BCAS3: variants seen among roughly 807,000 people sequenced by gnomAD.
BCAS3 encodes BCAS4/BCAS3 fusion.
A neutral mutation model predicts 116.1 loss-of-function variants in BCAS3; 53 were observed. The ratio of observed to expected loss-of-function variants is 0.46; its 90% CI spans 0.37 to 0.57. The LOEUF (loss-of-function observed/expected upper bound fraction) is 0.57, where lower values mean the gene tolerates loss of function less well. Among genes scored for constraint, BCAS3 ranks in the 20% least tolerant of loss-of-function variants. BCAS3 has a pLI of 0.00. For synonymous variants in BCAS3, 391 were observed against 408.2 expected (o/e 0.96, Z 0.51); for missense variants, 917 against 1,165.4 (o/e 0.79, Z 3.10).
At position 61,226,898 on chromosome 17, in the gene BCAS3, A is replaced by T. The variant is rs1437848045; in HGVS notation, c.2426-141429A>T. Among the ~76,000 whole-genome samples the T allele has an allele frequency of 6.6e-6, 1 of 152,192 alleles. No homozygotes were observed. Among genetic ancestry groups the T allele is most frequent in the Non-Finnish European group, 1.5e-5 (1 of 68,032 alleles). On this transcript the variant is annotated intron_variant, in intron 22 of 23. Coordinates refer to ENST00000407086, the MANE Select transcript of BCAS3 (RefSeq NM_017679.5). The surrounding 1 kb of genome is among the most constrained non-coding windows in gnomAD (Gnocchi z 6.0). ...GTCAGTTTGCCTGCCTATATCCTATAATATCCCTTTCCTTTTTAATTTGTT... is the reference window on the plus strand; with the variant it reads ...GTCAGTTTGCCTGCCTATATCCTATTATATCCCTTTCCTTTTTAATTTGTT...
rs186455841 is a variant in BCAS3 at position 60,722,166 on chromosome 17, A to G, written c.321+12841A>G. ...TAATAAAGTTGCTCTGAAAATTCTT[A>G]TATATGGTAATTTTTCATGGATGTA... On this transcript the variant is annotated intron_variant, in intron 5 of 23. Coordinates refer to ENST00000407086, the MANE Select transcript of BCAS3 (RefSeq NM_017679.5). Among the ~76,000 whole-genome samples, 46 of 152,254 alleles carry G rather than the reference A, an allele frequency of 3.0e-4. 1 individual carries two copies. The South Asian group carries it at 4.1e-3, about 14-fold the overall frequency.
At position 61,098,758 on chromosome 17, in the gene BCAS3, G is replaced by A. The variant is rs1028275176; in HGVS notation, c.2425+14194G>A. On this transcript the variant is annotated intron_variant, in intron 22 of 23. Transcript: ENST00000407086. The surrounding 1 kb of genome is among the most constrained non-coding windows in gnomAD (Gnocchi z 4.2). ...CAGGATTTCTTTGCCAAATGAAAACGGTAAAAGTGGAAGCATGAAACACCT... is the reference window on the plus strand; with the variant it reads ...CAGGATTTCTTTGCCAAATGAAAACAGTAAAAGTGGAAGCATGAAACACCT... Among the ~76,000 whole-genome samples the A allele has an allele frequency of 1.3e-5, 2 of 152,074 alleles. No individual in the cohort carries two copies. Among genetic ancestry groups the A allele is most frequent in the African/African-American group, 4.8e-5 (2 of 41,410 alleles).
At chr17:60,894,751 G>T (rs1466409544) in intron 10 of BCAS3, among the ~76,000 whole-genome samples, 1 of 152,130 alleles carries the variant, frequency 6.6e-6, no homozygotes, top group Non-Finnish European at 1.5e-5. Context: ...TCTATGCCTA[G>T]TTTGTTAAGA....
intron 12 of BCAS3, among the ~76,000 whole-genome samples, chr17:60,917,049 G>A (rs572153157): frequency 1.1e-4 from 16 of 152,098 alleles, no homozygotes; most frequent in African/African-American, 2.2e-4. Context: ...ATATATCTAC[G>A]ATAAAACTCT....
At position 61,315,735 on chromosome 17, in the gene BCAS3, T is replaced by A. The variant is rs1412022088; in HGVS notation, c.2426-52592T>A. ...TGCCCCACGCCTTTGCTGGTACTGG[T>A]CCCTGAGATGTCCCCTGACATGCCC... On this transcript the variant is annotated intron_variant, in intron 22 of 23. Coordinates refer to ENST00000407086, the MANE Select transcript of BCAS3 (RefSeq NM_017679.5). This position sits in a 1 kb window ranked among gnomAD's most constrained non-coding sequence, Gnocchi z 5.3. Among the ~76,000 whole-genome samples the A allele has an allele frequency of 6.6e-6, 1 of 152,032 alleles. No individual in the cohort carries two copies. The highest frequency in any genetic ancestry group is 2.4e-5 in the African/African-American group (1 of 41,398).
chr17:60,709,574 G>A (rs997861575), intron 5 of BCAS3: 2 of 334,158 alleles, frequency 6.0e-6, no homozygotes, highest in African/African-American at 4.4e-5. Context: ...ACTTTTAGTA[G>A]AGATGGGTTT....
rs866144659 is a variant in BCAS3, at chr17:61,144,632, C to A, written c.2425+60068C>A. Among the ~76,000 whole-genome samples, 1 of 152,066 alleles carries A rather than the reference C, an allele frequency of 6.6e-6. No homozygotes were observed. Among genetic ancestry groups the A allele is most frequent in the African/African-American group, 2.4e-5 (1 of 41,416 alleles). On this transcript the variant is annotated intron_variant, in intron 22 of 23. Coordinates refer to ENST00000407086, the MANE Select transcript of BCAS3 (RefSeq NM_017679.5). The surrounding 1 kb of genome is among the most constrained non-coding windows in gnomAD (Gnocchi z 5.0). ...TTTATGATTGTTGATCCTCAATAGT[C>A]AAAAAAGTAGTCATTTAACAATACA...
intron 13 of BCAS3, among the ~76,000 whole-genome samples, chr17:60,925,348 C>T (rs920812940): frequency 3.9e-5 from 6 of 152,106 alleles, no homozygotes; most frequent in South Asian, 4.1e-4. Flanking sequence ...GTAAGTATTG[C>T]GTCTACATCA....
intron 22 of BCAS3, among the ~76,000 whole-genome samples, chr17:61,254,278 G>GC (rs796292084): frequency 6.6e-6 from 1 of 152,324 alleles, no homozygotes; most frequent in African/African-American, 2.4e-5. Context: ...GAACACTTCT[G>GC]CCGTAAAGAG....
At chr17:60,752,722 G>C (rs1440737863) in intron 6 of BCAS3, among the ~76,000 whole-genome samples, 1 of 92,974 alleles carries the variant, frequency 1.1e-5, no homozygotes, top group Non-Finnish European at 2.8e-5. Flanking sequence ...TTTCCTCTTA[G>C]AGAGAGTCTA....
intron 5 of BCAS3, among the ~76,000 whole-genome samples, chr17:60,746,211 G>A (rs2042001637): frequency 6.6e-6 from 1 of 152,096 alleles, no homozygotes; most frequent in African/African-American, 2.4e-5. Flanking sequence ...TATGAAAATG[G>A]TTTAAGAACT....
At chr17:60,872,864 T>A (rs78271092) in intron 8 of BCAS3, among the ~76,000 whole-genome samples, 2,637 of 152,090 alleles carry the variant, frequency 0.017, 75 homozygotes, top group East Asian at 0.092. Context: ...AAGTACTTTC[T>A]CTTTGGTTCC....
At position 61,366,842 on chromosome 17, in the gene BCAS3, C is replaced by T. The variant is rs1030025634; in HGVS notation, c.2426-1485C>T. On this transcript the variant is annotated intron_variant, in intron 22 of 23. Coordinates refer to ENST00000407086, the MANE Select transcript of BCAS3 (RefSeq NM_017679.5). The surrounding 1 kb of genome is among the most constrained non-coding windows in gnomAD (Gnocchi z 4.5). ...AAACTTGGCTGACGAAATTCAGGAG[C>T]CAGTAGTGACCCTTGCCACACATAT... Among the ~76,000 whole-genome samples the T allele has an allele frequency of 6.6e-6, 1 of 152,210 alleles. No homozygotes were observed. The highest frequency in any genetic ancestry group is 1.5e-5 in the Non-Finnish European group (1 of 68,038).
Position 61,251,634 on chromosome 17 carries a change from T to G in BCAS3, c.2426-116693T>G, listed in dbSNP as rs1271617857. ...CATCCAAGATGCTGCCCTTGAGACC[T>G]CTGGGTTGATGACTGATATGTTGGT... On this transcript the variant is annotated intron_variant, in intron 22 of 23. Coordinates refer to ENST00000407086, the MANE Select transcript of BCAS3 (RefSeq NM_017679.5). The surrounding 1 kb of genome is among the most constrained non-coding windows in gnomAD (Gnocchi z 4.7). Among the ~76,000 whole-genome samples, 1 of 151,804 alleles carries G rather than the reference T, an allele frequency of 6.6e-6. No individual in the cohort carries two copies. Among genetic ancestry groups the G allele is most frequent in the Non-Finnish European group, 1.5e-5 (1 of 67,994 alleles).
intron 5 of BCAS3, among the ~76,000 whole-genome samples, chr17:60,710,280 T>G (rs1341590006): frequency 6.6e-6 from 1 of 152,208 alleles, no homozygotes; most frequent in Non-Finnish European, 1.5e-5. Context: ...CTTTTTCTTT[T>G]GGGTGATATT....
chr17:61,143,996 C>G (rs564238841), intron 22 of BCAS3, among the ~76,000 whole-genome samples: 2 of 152,218 alleles, frequency 1.3e-5, no homozygotes, highest in Non-Finnish European at 2.9e-5. Flanking sequence ...TTCTGAAATA[C>G]TAAATTCCCA....
At chr17:60,791,128 G>A (rs73316767) in intron 6 of BCAS3, among the ~76,000 whole-genome samples, 7,092 of 152,202 alleles carry the variant, frequency 0.047, 492 homozygotes, top group African/African-American at 0.15. Flanking sequence ...TAATCATAGA[G>A]CACTAGAGCC....
intron 15 of BCAS3, among the ~76,000 whole-genome samples, chr17:61,011,817 T>C (rs1568116153): frequency 6.6e-6 from 1 of 152,034 alleles, no homozygotes; most frequent in African/African-American, 2.4e-5. Flanking sequence ...TAACAATAGG[T>C]CCTGGAAGAA....
chr17:60,685,450 CAAAA>C (rs1204965872), intron 3 of BCAS3, among the ~76,000 whole-genome samples: 16 of 54,378 alleles, frequency 2.9e-4, no homozygotes, highest in Non-Finnish European at 6.2e-4. Flanking sequence ...AACTCCGTCT[CAAAA>C]AAAAAAAAAA....
Sources: gnomAD v4.1 joint callset for allele counts (sites outside exome capture counted in the v4.1 genomes callset) on GRCh38, gnomAD v4.1.1 for gene constraint, Gnocchi (gnomAD v3.1) non-coding constraint, MANE v1.5 for transcripts, NCBI Gene and HGNC (gene_info 2026-07-23, HGNC 2026-07-21) for gene names.